Variants in AGAP1 observed in about 807,000 individuals in gnomAD.
The protein encoded by AGAP1 is arf-GAP with GTPase, ANK repeat and PH domain-containing protein 1.
In AGAP1, 29 loss-of-function variants were observed where a neutral mutation model predicts 105.3. The ratio of observed to expected loss-of-function variants is 0.28; its 90% CI spans 0.21 to 0.38. The LOEUF (loss-of-function observed/expected upper bound fraction) is 0.38, where lower values mean the gene tolerates loss of function less well. AGAP1 is among the 10% of genes least tolerant of loss of function. The pLI, the probability that AGAP1 is intolerant of heterozygous loss-of-function variation, is 1.00. For synonymous variants in AGAP1, 509 were observed against 485.9 expected (o/e 1.05, Z -0.63); for missense variants, 998 against 1,165.1 (o/e 0.86, Z 2.09).
At chr2:235,572,599 G>C (rs73120474) in intron 1 of AGAP1, among the ~76,000 whole-genome samples, 4 of 152,202 alleles carry the variant, frequency 2.6e-5, no homozygotes, top group African/African-American at 9.6e-5. Context: ...GGGGCTTCCT[G>C]CCCACTTCTC....
At chr2:235,857,401 G>A (rs2048730798) in intron 9 of AGAP1, among the ~76,000 whole-genome samples, 1 of 152,064 alleles carries the variant, frequency 6.6e-6, no homozygotes, top group Non-Finnish European at 1.5e-5. Context: ...AAAAGGTTGG[G>A]GGCCGCTGTC....
chr2:236,075,746 C>T (rs1185101173), intron 16 of AGAP1, among the ~76,000 whole-genome samples: 1 of 152,212 alleles, frequency 6.6e-6, no homozygotes, highest in African/African-American at 2.4e-5. Flanking sequence ...ACAGAGGTCT[C>T]AAGAGGAGCC....
chr2:235,624,509 C>G (rs1946578095), intron 1 of AGAP1, among the ~76,000 whole-genome samples: 1 of 152,168 alleles, frequency 6.6e-6, no homozygotes, highest in African/African-American at 2.4e-5. Context: ...TTCATTTTAC[C>G]TGCTCTAGAA....
At chr2:235,681,761 G>T (rs1242430051) in intron 1 of AGAP1, among the ~76,000 whole-genome samples, 1 of 151,576 alleles carries the variant, frequency 6.6e-6, no homozygotes, top group Non-Finnish European at 1.5e-5. Flanking sequence ...AGAGCAGTAG[G>T]TTGGGAATTA....
rs181308512 is a variant in AGAP1, at chr2:235,976,085, G to A, written c.1645+7462G>A. ...ATCAGAACATCTTCCTGGGAGATAC[G>A]CTGGAAATGCAGTCACTTCACTCTG... On this transcript the variant is annotated intron_variant, in intron 13 of 17. Coordinates refer to ENST00000304032, the MANE Select transcript of AGAP1 (RefSeq NM_001037131.3). This position sits in a 1 kb window ranked among gnomAD's most constrained non-coding sequence, Gnocchi z 4.5. 2.4e-3 allele frequency among the ~76,000 whole-genome samples: 361 copies of A among 152,244 alleles called. 2 individuals are homozygous for A. The highest frequency in any genetic ancestry group is 7.3e-3 in the African/African-American group (302 of 41,538).
intron 6 of AGAP1, chr2:235,783,266 G>A (rs749799054): frequency 8.6e-5 from 38 of 442,086 alleles, no homozygotes; most frequent in South Asian, 6.3e-4. Flanking sequence ...TGAATTTATG[G>A]CCTGAAGAGT....
rs116230136 is a variant in AGAP1 at position 235,787,514 on chromosome 2, A to G, written c.674-10245A>G. ...AGAGAAAGGTGCAGACAAGGTGTGC[A>G]GGAGGTGGATGTGATGTTGTGGTTG... is the stretch of plus-strand genomic sequence containing the variant. On this transcript the variant is annotated intron_variant, in intron 6 of 17. Coordinates refer to ENST00000304032, the MANE Select transcript of AGAP1 (RefSeq NM_001037131.3). The surrounding 1 kb of genome is among the most constrained non-coding windows in gnomAD (Gnocchi z 4.4). Among the ~76,000 whole-genome samples the G allele has an allele frequency of 0.021, 3,153 of 152,272 alleles. 103 individuals are homozygous for G. The highest frequency in any genetic ancestry group is 0.072 in the African/African-American group (2,997 of 41,548).
intron 8 of AGAP1, among the ~76,000 whole-genome samples, chr2:235,803,843 T>C (rs907471748): frequency 6.6e-6 from 1 of 152,260 alleles, no homozygotes; most frequent in African/African-American, 2.4e-5. Context: ...AACACTGAGT[T>C]ATATTTTATT....
chr2:235,908,882 A>G lies in AGAP1; in HGVS notation c.1300A>G (p.Ser434Gly). ...CAATGGCCTATCCAAGGACATGAGC[A>G]GTTTACACATCTCACCCAATTCAGG... ...KTNGLSKDMSSLHISPNSGNV... is the reference protein window; with the variant it reads ...KTNGLSKDMSGLHISPNSGNV... Residue 434 changes from serine (S) to glycine (G), a missense_variant, in exon 11 of 18, where the codon AGT (serine) becomes GGT (glycine). Physicochemically the swap from Ser to Gly is moderately conservative, Grantham distance 56. Around this residue, in one of 3 missense-constraint regions of AGAP1, gnomAD observed 735 missense variants for 833.4 expected, o/e 0.88. Coordinates refer to ENST00000304032, the MANE Select transcript of AGAP1 (RefSeq NM_001037131.3). The surrounding 1 kb of genome is among the most constrained non-coding windows in gnomAD (Gnocchi z 4.4). The G allele has an allele frequency of 6.2e-7, 1 of 1,613,454 alleles. No homozygotes were observed. The highest frequency in any genetic ancestry group is 2.2e-5 in the East Asian group (1 of 44,872).
chr2:235,782,958 A>C (rs1166774633), intron 6 of AGAP1, among the ~76,000 whole-genome samples: 1 of 152,100 alleles, frequency 6.6e-6, no homozygotes, highest in Non-Finnish European at 1.5e-5. Flanking sequence ...CTGTAAGTGC[A>C]ATAAATTGTG....
chr2:235,766,925 T>G (rs1043426935), intron 6 of AGAP1, among the ~76,000 whole-genome samples: 44 of 150,510 alleles, frequency 2.9e-4, no homozygotes, highest in African/African-American at 1.1e-3. Flanking sequence ...TTTTTTTTTT[T>G]TTTTGTGAGA....
chr2:235,926,348 G>T (rs2052444524), intron 11 of AGAP1, among the ~76,000 whole-genome samples: 1 of 152,204 alleles, frequency 6.6e-6, no homozygotes, highest in African/African-American at 2.4e-5. Context: ...CAAAACTGTG[G>T]CCACTGGCCT....
intron 9 of AGAP1, among the ~76,000 whole-genome samples, chr2:235,868,479 G>T (rs575024417): frequency 6.6e-6 from 1 of 152,088 alleles, no homozygotes; most frequent in Non-Finnish European, 1.5e-5. Context: ...TTGACATGGC[G>T]CCGCCTGCGT....
intron 6 of AGAP1, chr2:235,773,936 CTCT>C (rs1273707726): frequency 2.8e-5 from 13 of 469,232 alleles, no homozygotes; most frequent in Non-Finnish European, 3.1e-5. Flanking sequence ...AGACAATCAA[CTCT>C]TCATCTCACC....
rs1575735528 is a variant in AGAP1 at position 235,901,345 on chromosome 2, C to T, written c.1156-7393C>T. ...ATAGAACTTCACAAATTACTGCTTC[C>T]TTTTGATACTGGATATTCATGAAGT... On this transcript the variant is annotated intron_variant, in intron 10 of 17. Coordinates refer to ENST00000304032, the MANE Select transcript of AGAP1 (RefSeq NM_001037131.3). This position sits in a 1 kb window ranked among gnomAD's most constrained non-coding sequence, Gnocchi z 4.3. 2.0e-5 allele frequency among the ~76,000 whole-genome samples: 3 copies of T among 152,132 alleles called. No homozygotes were observed. Among genetic ancestry groups the T allele is most frequent in the Admixed American group, 2.0e-4 (3 of 15,282 alleles).
chr2:235,862,666 T>A (rs909734380), intron 9 of AGAP1, among the ~76,000 whole-genome samples: 1 of 152,186 alleles, frequency 6.6e-6, no homozygotes, highest in Non-Finnish European at 1.5e-5. Flanking sequence ...TAAACCTTTT[T>A]CTTTCTTTAA....
Position 235,719,196 on chromosome 2 carries a change from G to T in AGAP1, c.310+1552G>T, listed in dbSNP as rs1951260082. ...AGTCGGGCCTGGTTTTGTTGCTGTT[G>T]CTCTGGCAGTCTCTGGCCCTGGGGT... On this transcript the variant is annotated intron_variant, in intron 3 of 17. Coordinates refer to ENST00000304032, the MANE Select transcript of AGAP1 (RefSeq NM_001037131.3). This position sits in a 1 kb window ranked among gnomAD's most constrained non-coding sequence, Gnocchi z 4.9. Among the ~76,000 whole-genome samples, 1 of 152,212 alleles carries T rather than the reference G, an allele frequency of 6.6e-6. No homozygotes were observed. The highest frequency in any genetic ancestry group is 1.5e-5 in the Non-Finnish European group (1 of 68,032).
At chr2:235,657,652 G>C (rs1351323047) in intron 1 of AGAP1, among the ~76,000 whole-genome samples, 1 of 152,192 alleles carries the variant, frequency 6.6e-6, no homozygotes, top group Non-Finnish European at 1.5e-5. Context: ...AAAGTGCTGG[G>C]ATTACAGGCG....
At chr2:235,580,552 T>C (rs1371283052) in intron 1 of AGAP1, among the ~76,000 whole-genome samples, 1 of 152,158 alleles carries the variant, frequency 6.6e-6, no homozygotes, top group Non-Finnish European at 1.5e-5. Context: ...GCTTCTCTCT[T>C]AGAATAAATG....
Sources: gnomAD v4.1 joint callset for allele counts (sites outside exome capture counted in the v4.1 genomes callset) on GRCh38, gnomAD v4.1.1 for gene constraint, gnomAD v4.1.1 regional missense constraint, Gnocchi (gnomAD v3.1) non-coding constraint, MANE v1.5 for transcripts, NCBI Gene and HGNC (gene_info 2026-07-23, HGNC 2026-07-21) for gene names.